KLF17: variants seen among roughly 807,000 people sequenced by gnomAD.
KLF17 encodes KLF transcription factor 17.
A neutral mutation model predicts 34.2 loss-of-function variants in KLF17; 31 were observed. The observed-to-expected ratio is 0.91, with a 90% CI of 0.68 to 1.22. The LOEUF (loss-of-function observed/expected upper bound fraction) is 1.22, where lower values mean the gene tolerates loss of function less well. Among genes scored for constraint, KLF17 ranks in the 50% most tolerant of loss-of-function variants. KLF17 has a pLI of 0.00. For synonymous variants in KLF17, 179 were observed against 186.7 expected, an observed-to-expected ratio of 0.96 and a Z score of 0.34; for missense variants, 478 against 505.2, an observed-to-expected ratio of 0.95 and a Z score of 0.52.
the KLF17 span, among the ~76,000 whole-genome samples, chr1:44,093,391 T>C: frequency 6.6e-6 from 1 of 152,088 alleles, no homozygotes; most frequent in South Asian, 2.1e-4. Flanking sequence ...GAGTCTTGTT[T>C]ATACAATTTT....
intron 1 of KLF17, among the ~76,000 whole-genome samples, chr1:44,126,752 G>C (rs1028028840): frequency 1.3e-5 from 2 of 152,132 alleles, no homozygotes; most frequent in African/African-American, 4.8e-5. Context: ...AATAGAATTA[G>C]AGACAAGTCT....
the KLF17 span, among the ~76,000 whole-genome samples, chr1:44,074,290 C>T: frequency 4.2e-4 from 64 of 152,028 alleles, no homozygotes; most frequent in Non-Finnish European, 6.8e-4. Context: ...CCTAATTCCC[C>T]TTCTAACTCC....
upstream of KLF17, chr1:44,117,168 C>G (rs888867643): frequency 6.6e-6 from 1 of 152,122 alleles, no homozygotes; most frequent in Non-Finnish European, 1.5e-5. Context: ...AATCCCATTA[C>G]CAATCAGCAT....
intron 3 of KLF17, among the ~76,000 whole-genome samples, chr1:44,132,089 A>G (rs950129664): frequency 2.6e-5 from 4 of 152,018 alleles, no homozygotes; most frequent in African/African-American, 9.7e-5. Context: ...GGTGGATCAC[A>G]AGGTCAGGAG....
chr1:44,093,822 A>G, the KLF17 span, among the ~76,000 whole-genome samples: 3 of 152,368 alleles, frequency 2.0e-5, no homozygotes, highest in East Asian at 5.8e-4. Flanking sequence ...GGGAAGTTTC[A>G]GATAAGATTT....
chr1:44,127,692 T>TTTC (rs1553171671), intron 1 of KLF17, among the ~76,000 whole-genome samples: 2 of 90,136 alleles, frequency 2.2e-5, no homozygotes, highest in African/African-American at 1.1e-4. Context: ...CTTTCTTTCT[T>TTTC]TTTCTTTCTT....
the KLF17 span, among the ~76,000 whole-genome samples, chr1:44,079,940 T>C: frequency 1.3e-5 from 2 of 151,538 alleles, no homozygotes; most frequent in African/African-American, 2.4e-5. Context: ...TTTTTTTTTC[T>C]TTTTTTGAGA....
the KLF17 span, among the ~76,000 whole-genome samples, chr1:44,098,429 G>A: frequency 6.9e-6 from 1 of 144,028 alleles, no homozygotes; most frequent in South Asian, 2.2e-4. Context: ...TAGGTCTTTT[G>A]CACTTTTTTA....
the KLF17 span, among the ~76,000 whole-genome samples, chr1:44,109,729 T>A: frequency 6.6e-6 from 1 of 152,090 alleles, no homozygotes; most frequent in East Asian, 1.9e-4. Context: ...TCAATCACCC[T>A]CTTTCCAACT....
At chr1:44,053,326 C>T in the KLF17 span, among the ~76,000 whole-genome samples, 2 of 152,200 alleles carry the variant, frequency 1.3e-5, no homozygotes, top group African/African-American at 4.8e-5. Context: ...TAAGGGCTAG[C>T]TGTAGAACAT....
the KLF17 span, among the ~76,000 whole-genome samples, chr1:44,070,631 C>A: frequency 9.1e-6 from 1 of 110,278 alleles, no homozygotes; most frequent in Non-Finnish European, 1.7e-5. Flanking sequence ...CAGGGTCTTG[C>A]TCTGTTGCCC....
At chr1:44,061,892 T>TG in the KLF17 span, among the ~76,000 whole-genome samples, 4 of 152,136 alleles carry the variant, frequency 2.6e-5, 1 homozygote, top group Non-Finnish European at 5.9e-5. Context: ...CACTCTAGCC[T>TG]GGGTGACAGA....
rs1374733622 is a variant in KLF17 at position 44,133,851 on chromosome 1, A to T, written c.*614A>T. 6.6e-6 allele frequency: 1 copy of T among 152,190 alleles called. No homozygotes were observed. Among genetic ancestry groups the T allele is most frequent in the Non-Finnish European group, 1.5e-5 (1 of 68,058 alleles). The allele number at this position is 152,190 out of a possible 1,614,324, so 9.4% of individuals were successfully genotyped here. ...TATGTGAGGGGAATGGACATTATTA[A>T]AAGAACAGGGGCAGAAGTGGCTCAT... is the stretch of plus-strand genomic sequence containing the variant. On this transcript the variant is annotated 3_prime_UTR_variant, in exon 4 of 4. Coordinates refer to ENST00000372299, the MANE Select transcript of KLF17 (RefSeq NM_173484.4).
At chr1:44,120,522 G>A (rs1400262521) in intron 1 of KLF17, among the ~76,000 whole-genome samples, 1 of 152,210 alleles carries the variant, frequency 6.6e-6, no homozygotes, top group African/African-American at 2.4e-5. Flanking sequence ...GAGTTCAAGC[G>A]AGGAGTCTGG....
intron 3 of KLF17, among the ~76,000 whole-genome samples, chr1:44,132,174 C>T (rs756507057): frequency 2.0e-5 from 3 of 152,058 alleles, no homozygotes; most frequent in Non-Finnish European, 4.4e-5. Flanking sequence ...GGCATGGTGG[C>T]GTGCGCCTGT....
intron 1 of KLF17, among the ~76,000 whole-genome samples, chr1:44,127,680 TTCTTTCTTTCTTTTTC>T (rs1557731966): frequency 3.9e-4 from 19 of 48,964 alleles, no homozygotes; most frequent in Non-Finnish European, 5.4e-4. Flanking sequence ...CTTTCTTTCT[TTCTTTCTTTCTTTTTC>T]TTTCTTTCTT....
chr1:44,099,905 GAAAGAAAGAAAGAA>G, the KLF17 span, among the ~76,000 whole-genome samples: 2 of 52,200 alleles, frequency 3.8e-5, no homozygotes, highest in Non-Finnish European at 8.1e-5. Flanking sequence ...AAGAAAGAAA[GAAAGAAAGAAAGAA>G]AAGAAAGGGA....
intron 1 of KLF17, among the ~76,000 whole-genome samples, chr1:44,127,868 C>CTTTT (rs553888687): frequency 1.0e-5 from 1 of 100,472 alleles, no homozygotes; most frequent in African/African-American, 3.7e-5. Flanking sequence ...TTTCGGGTGA[C>CTTTT]TTTTTTTTTT....
In KLF17 at chr1:44,134,905, CAGA is replaced by C. The variant is rs2088151169; in HGVS notation, c.*1676_*1678del. 6.6e-6 allele frequency: 1 copy of C among 151,862 alleles called. No individual in the cohort carries two copies. Among genetic ancestry groups the C allele is most frequent in the Non-Finnish European group, 1.5e-5 (1 of 67,986 alleles). The allele number at this position is 151,862 out of a possible 1,614,324, so 9.4% of individuals were successfully genotyped here. ...TTCCTGACTTGTGTTATAAGTAACA[CAGA>C]AGAAGAATGGATGAACTTGATTCGT... On this transcript the variant is annotated 3_prime_UTR_variant, in exon 4 of 4. Coordinates refer to ENST00000372299, the MANE Select transcript of KLF17 (RefSeq NM_173484.4).
Sources: allele counts gnomAD v4.1 joint callset (sites outside exome capture counted in the v4.1 genomes callset), GRCh38; gene constraint gnomAD v4.1.1; transcripts MANE v1.5; gene names NCBI Gene and HGNC (gene_info 2026-07-23, HGNC 2026-07-21).